Variants in EIPR1 observed in about 807,000 individuals in gnomAD.
EIPR1 encodes EARP complex and GARP complex interacting protein 1, also known as EARP and GARP complex-interacting protein 1.
Under a neutral mutation model 48.1 loss-of-function variants are expected in EIPR1, and 25 were observed. The ratio of observed to expected loss-of-function variants is 0.52; its 90% CI spans 0.38 to 0.73. The LOEUF (loss-of-function observed/expected upper bound fraction) is 0.73, where lower values mean the gene tolerates loss of function less well. Among genes scored for constraint, EIPR1 ranks in the 30% least tolerant of loss-of-function variants. EIPR1 has a pLI of 0.00. For missense variants in EIPR1, 415 were observed against 506.2 expected, an observed-to-expected ratio of 0.82 and a Z score of 1.73; for synonymous variants, 204 against 201.9, an observed-to-expected ratio of 1.01 and a Z score of -0.09.
At chr2:3,298,615 C>T (rs899581858) in intron 3 of EIPR1, among the ~76,000 whole-genome samples, 6 of 151,960 alleles carry the variant, frequency 3.9e-5, no homozygotes, top group South Asian at 2.1e-4. Flanking sequence ...AAGCAAATTC[C>T]GGTGTCCTCC....
At chr2:3,263,495 C>T (rs901537449) in intron 3 of EIPR1, among the ~76,000 whole-genome samples, 4 of 152,220 alleles carry the variant, frequency 2.6e-5, no homozygotes, top group African/African-American at 4.8e-5. Context: ...GGCCCCACCA[C>T]TACAAATAGC....
chr2:3,219,411 G>C (rs954189421), intron 4 of EIPR1, among the ~76,000 whole-genome samples: 12 of 151,236 alleles, frequency 7.9e-5, no homozygotes, highest in Non-Finnish European at 1.6e-4. Flanking sequence ...TTCACAGTGA[G>C]TGAGTCAGGT....
chr2:3,348,900 T>G (rs115017220), intron 2 of EIPR1, among the ~76,000 whole-genome samples: 2,420 of 152,288 alleles, frequency 0.016, 69 homozygotes, highest in African/African-American at 0.056. Context: ...AGGGCTGCAG[T>G]CCACAGCCAG....
intron 3 of EIPR1, among the ~76,000 whole-genome samples, chr2:3,267,522 T>A (rs893597570): frequency 6.6e-6 from 1 of 152,252 alleles, no homozygotes; most frequent in African/African-American, 2.4e-5. Flanking sequence ...TCAGATACGC[T>A]GTTGTCACAG....
At chr2:3,244,040 G>A (rs1666722108) in intron 4 of EIPR1, among the ~76,000 whole-genome samples, 1 of 152,234 alleles carries the variant, frequency 6.6e-6, no homozygotes. Context: ...CTCTAAGGCT[G>A]TGACAACCCA....
intron 6 of EIPR1, 44 bp downstream of exon 6, chr2:3,196,837 A>G: frequency 6.2e-7 from 1 of 1,605,848 alleles, no homozygotes. Flanking sequence ...CTGCTCGGTG[A>G]GGGAGGAAAG....
intron 4 of EIPR1, among the ~76,000 whole-genome samples, chr2:3,223,544 T>C (rs981205668): frequency 6.6e-6 from 1 of 152,168 alleles, no homozygotes; most frequent in African/African-American, 2.4e-5. Context: ...AAAATAAACT[T>C]AGAAAAAGTC....
intron 3 of EIPR1, chr2:3,274,343 T>C (rs754529380): frequency 6.4e-7 from 1 of 1,550,536 alleles, no homozygotes; most frequent in Non-Finnish European, 8.7e-7. Flanking sequence ...ACTTACAGGT[T>C]GCCAGTGCTA....
Position 3,189,160 on chromosome 2 carries a change from G to C in EIPR1, c.*174C>G. On this transcript the variant is annotated 3_prime_UTR_variant, in exon 9 of 9. Coordinates refer to ENST00000382125, the MANE Select transcript of EIPR1 (RefSeq NM_003310.5). The surrounding 1 kb of genome is among the most constrained non-coding windows in gnomAD (Gnocchi z 4.6). ...GGGTTCGGGCATTAGCTGTGCCGTCGACAATAGCCCCATTCACCCCATTCA... is the reference window on the plus strand; with the variant it reads ...GGGTTCGGGCATTAGCTGTGCCGTCCACAATAGCCCCATTCACCCCATTCA... 1.7e-6 allele frequency: 1 copy of C among 591,098 alleles called. No individual in the cohort carries two copies. The highest frequency in any genetic ancestry group is 2.6e-6 in the Non-Finnish European group (1 of 378,244). The allele number at this position is 591,098 out of a possible 1,614,324, so 36.6% of individuals were successfully genotyped here.
intron 3 of EIPR1, among the ~76,000 whole-genome samples, chr2:3,275,454 A>G (rs1052463142): frequency 2.0e-5 from 3 of 152,220 alleles, no homozygotes; most frequent in African/African-American, 7.2e-5. Flanking sequence ...TCAATAACTG[A>G]TAGAACCAGT....
chr2:3,275,275 T>G, intron 3 of EIPR1, among the ~76,000 whole-genome samples: 1 of 150,564 alleles, frequency 6.6e-6, no homozygotes, highest in East Asian at 1.9e-4. Context: ...AAAATAGATC[T>G]GAGCAAAAGC....
intron 4 of EIPR1, among the ~76,000 whole-genome samples, chr2:3,214,790 A>G (rs1665574188): frequency 6.6e-6 from 1 of 152,242 alleles, no homozygotes; most frequent in South Asian, 2.1e-4. Context: ...CTACGAATGC[A>G]TAGTGCTTCT....
intron 4 of EIPR1, among the ~76,000 whole-genome samples, chr2:3,229,897 G>T (rs1403530875): frequency 6.6e-6 from 1 of 152,200 alleles, no homozygotes; most frequent in Non-Finnish European, 1.5e-5. Context: ...CCAACAGCAT[G>T]ACTTTCTGTG....
chr2:3,217,568 A>T (rs116838179), intron 4 of EIPR1, among the ~76,000 whole-genome samples: 1,614 of 152,272 alleles, frequency 0.011, 34 homozygotes, highest in African/African-American at 0.033. Flanking sequence ...CAAATTTTTT[A>T]AAAAAATTGA....
At chr2:3,313,430 C>A (rs539691643) in intron 3 of EIPR1, among the ~76,000 whole-genome samples, 1 of 106,442 alleles carries the variant, frequency 9.4e-6, no homozygotes, top group African/African-American at 5.2e-5. Context: ...TGGCAGGAGA[C>A]GAGGTCAAAA....
chr2:3,250,605 G>T (rs1666971888), intron 4 of EIPR1, among the ~76,000 whole-genome samples: 1 of 152,306 alleles, frequency 6.6e-6, no homozygotes, highest in Admixed American at 6.5e-5. Flanking sequence ...AAGCAGAATG[G>T]TATGGTTTGA....
At chr2:3,330,614 G>T (rs1371289673) in intron 3 of EIPR1, among the ~76,000 whole-genome samples, 2 of 151,188 alleles carry the variant, frequency 1.3e-5, no homozygotes, top group African/African-American at 4.9e-5. Flanking sequence ...CTCGTGAGAT[G>T]GTGTGAGTGG....
chr2:3,324,933 C>A (rs1038293082), intron 3 of EIPR1, among the ~76,000 whole-genome samples: 1 of 152,242 alleles, frequency 6.6e-6, no homozygotes. Flanking sequence ...TGAAAAGCAG[C>A]GCTTCCAGGT....
At chr2:3,262,730 C>T (rs1319059947) in intron 3 of EIPR1, among the ~76,000 whole-genome samples, 1 of 152,222 alleles carries the variant, frequency 6.6e-6, no homozygotes, top group Non-Finnish European at 1.5e-5. Context: ...ATGCCATCTG[C>T]AGCACAGAAC....
Sources: gnomAD v4.1 joint callset for allele counts (sites outside exome capture counted in the v4.1 genomes callset) on GRCh38, gnomAD v4.1.1 for gene constraint, Gnocchi (gnomAD v3.1) non-coding constraint, MANE v1.5 for transcripts, NCBI Gene and HGNC (gene_info 2026-07-23, HGNC 2026-07-21) for gene names.